Variants in CNTNAP2 observed in about 807,000 individuals in gnomAD.
The protein encoded by CNTNAP2 is contactin-associated protein-like 2.
CNTNAP2 carries 98 observed loss-of-function variants against 155.2 expected under a neutral mutation model. The observed-to-expected ratio is 0.63, with a 90% confidence interval of 0.54 to 0.75. The LOEUF (loss-of-function observed/expected upper bound fraction) is 0.75, where lower values mean the gene tolerates loss of function less well. Among genes scored for constraint, CNTNAP2 ranks in the 30% least tolerant of loss-of-function variants. The probability of loss-of-function intolerance (pLI) is 0.00; values close to 1 mark genes in which losing one functional copy is unlikely to be tolerated. For missense variants in CNTNAP2, 1,727 were observed against 1,688.1 expected, an observed-to-expected ratio of 1.02 and a Z score of -0.40; for synonymous variants, 651 against 631.2, an observed-to-expected ratio of 1.03 and a Z score of -0.47.
chr7:147,376,986 T>C (rs1219959689), intron 9 of CNTNAP2, among the ~76,000 whole-genome samples: 1 of 152,002 alleles, frequency 6.6e-6, no homozygotes, highest in Non-Finnish European at 1.5e-5. Flanking sequence ...ATTTTCTTAG[T>C]TCCTGTGTGT....
chr7:147,336,309 A>T (rs1795663965), intron 9 of CNTNAP2, among the ~76,000 whole-genome samples: 1 of 152,224 alleles, frequency 6.6e-6, no homozygotes, highest in East Asian at 1.9e-4. Flanking sequence ...TTCCAACCTT[A>T]GAGTTTTGCT....
intron 1 of CNTNAP2, among the ~76,000 whole-genome samples, chr7:146,722,691 T>C (rs1209998242): frequency 1.3e-5 from 2 of 150,312 alleles, no homozygotes; most frequent in Non-Finnish European, 2.9e-5. Context: ...ATGGACTGAA[T>C]TGCGTCCACA....
chr7:147,721,177 G>T (rs527739162), intron 13 of CNTNAP2, among the ~76,000 whole-genome samples: 4 of 151,892 alleles, frequency 2.6e-5, no homozygotes, highest in African/African-American at 9.7e-5. Context: ...ACTAAAATCA[G>T]TGCTGGTTTC....
chr7:147,228,316 C>T (rs1056782491), intron 8 of CNTNAP2, among the ~76,000 whole-genome samples: 4 of 151,978 alleles, frequency 2.6e-5, no homozygotes, highest in Non-Finnish European at 5.9e-5. Context: ...ATGAAAGAAA[C>T]GTGTTTGTAT....
intron 10 of CNTNAP2, among the ~76,000 whole-genome samples, chr7:147,415,760 G>T (rs1797182833): frequency 1.3e-5 from 2 of 152,186 alleles, no homozygotes; most frequent in African/African-American, 4.8e-5. Flanking sequence ...TAACAAGGGA[G>T]CATAACCATT....
intron 1 of CNTNAP2, among the ~76,000 whole-genome samples, chr7:146,618,775 A>G (rs347226): frequency 0.46 from 70,137 of 152,032 alleles, 16,677 homozygotes; most frequent in South Asian, 0.56. Context: ...ACACCATATA[A>G]AAAGATAAAT....
Position 147,396,167 on chromosome 7 carries a change from C to CATAT in CNTNAP2, c.1670+397_1670+400dup, listed in dbSNP as rs1309881586. Among the ~76,000 whole-genome samples the CATAT allele has an allele frequency of 2.0e-4, 18 of 91,388 alleles. No homozygotes were observed. In the East Asian group the frequency reaches 4.2e-3, roughly 22 times the overall value. 60.0% of individuals were successfully genotyped at this position (91,388 alleles called of 152,430 possible). A position where few individuals can be genotyped will look rare whatever the true frequency, so the allele number is the denominator to read the frequency against. ...TATGATAAATATATATGAGATATAT[C>CATAT]ATATATATATATAGCATATATATAT... is the stretch of plus-strand genomic sequence containing the variant. On this transcript the variant is annotated intron_variant, in intron 10 of 23. Coordinates refer to ENST00000361727, the MANE Select transcript of CNTNAP2 (RefSeq NM_014141.6).
At chr7:148,058,460 T>C (rs1035787706) in intron 15 of CNTNAP2, among the ~76,000 whole-genome samples, 1 of 152,162 alleles carries the variant, frequency 6.6e-6, no homozygotes, top group Admixed American at 6.5e-5. Context: ...AGGATGCAGC[T>C]TGGGGCAGCC....
At chr7:146,606,426 G>T (rs570080800) in intron 1 of CNTNAP2, among the ~76,000 whole-genome samples, 67 of 152,238 alleles carry the variant, frequency 4.4e-4, no homozygotes, top group African/African-American at 1.6e-3. Context: ...AACCAAGAGT[G>T]ACCCTTTCAA....
chr7:146,366,569 G>A (rs1180964946), intron 1 of CNTNAP2, among the ~76,000 whole-genome samples: 1 of 151,962 alleles, frequency 6.6e-6, no homozygotes, highest in Admixed American at 6.6e-5. Flanking sequence ...TCAGATGATG[G>A]GCCCAAGAAG....
intron 13 of CNTNAP2, among the ~76,000 whole-genome samples, chr7:147,855,811 A>C (rs191755517): frequency 8.6e-4 from 131 of 152,220 alleles, no homozygotes; most frequent in Non-Finnish European, 1.3e-3. Flanking sequence ...CCTGCAAAAA[A>C]CTTATACTCC....
At chr7:147,462,123 A>G (rs1528531) in intron 10 of CNTNAP2, among the ~76,000 whole-genome samples, 118,771 of 151,968 alleles carry the variant, frequency 0.78, 46,784 homozygotes, top group African/African-American at 0.88. Flanking sequence ...ACCCTCATCC[A>G]CCCTGCAAAC....
chr7:148,000,989 T>C (rs1801885874), intron 15 of CNTNAP2, among the ~76,000 whole-genome samples: 1 of 152,246 alleles, frequency 6.6e-6, no homozygotes, highest in African/African-American at 2.4e-5. Context: ...CAACTCTGCC[T>C]GTCTCCACAA....
At chr7:148,235,906 C>A (rs927850977) in intron 20 of CNTNAP2, among the ~76,000 whole-genome samples, 1 of 151,972 alleles carries the variant, frequency 6.6e-6, no homozygotes. Context: ...AGGATGGTCT[C>A]GATCTCCTGA....
chr7:147,415,921 C>T (rs1349114850), intron 10 of CNTNAP2, among the ~76,000 whole-genome samples: 1 of 152,132 alleles, frequency 6.6e-6, no homozygotes, highest in Non-Finnish European at 1.5e-5. Flanking sequence ...ACTAGAGAAA[C>T]TTCTTGATTC....
In CNTNAP2 at chr7:148,346,581, G is replaced by A. The variant is rs192537261; in HGVS notation, c.3476-37068G>A. ...GAGGTCAGGAGTTCGAGACCAGCCC[G>A]GCCAACATGGTGAAACCCCATCTCT... is the stretch of plus-strand genomic sequence containing the variant. On this transcript the variant is annotated intron_variant, in intron 21 of 23. Coordinates refer to ENST00000361727, the MANE Select transcript of CNTNAP2 (RefSeq NM_014141.6). Among the ~76,000 whole-genome samples, 1,354 of 152,052 alleles carry A rather than the reference G, an allele frequency of 8.9e-3. 16 individuals are homozygous for A. Among genetic ancestry groups the A allele is most frequent in the South Asian group, 0.019 (91 of 4,802 alleles).
chr7:146,508,780 G>C (rs1251213313), intron 1 of CNTNAP2, among the ~76,000 whole-genome samples: 1 of 152,196 alleles, frequency 6.6e-6, no homozygotes, highest in East Asian at 1.9e-4. Context: ...TGGTGATTCA[G>C]GGACAATTGC....
intron 21 of CNTNAP2, chr7:148,381,312 C>T (rs1159861059): frequency 6.6e-6 from 1 of 152,286 alleles, no homozygotes; most frequent in Non-Finnish European, 1.5e-5. Flanking sequence ...GCCACACTAG[C>T]AGCATCCGAG....
At chr7:147,515,993 T>C (rs1799119938) in intron 11 of CNTNAP2, among the ~76,000 whole-genome samples, 1 of 152,182 alleles carries the variant, frequency 6.6e-6, no homozygotes, top group Admixed American at 6.5e-5. Context: ...AAAATTTAAG[T>C]ATAGATCTTA....
Sources: allele counts gnomAD v4.1 joint callset (sites outside exome capture counted in the v4.1 genomes callset), GRCh38; gene constraint gnomAD v4.1.1; transcripts MANE v1.5; gene names NCBI Gene and HGNC (gene_info 2026-07-23, HGNC 2026-07-21).